The following ATP10A variants were observed in gnomAD, a reference collection of about 807,000 sequenced individuals.
ATP10A encodes the protein phospholipid-transporting ATPase VA.
In ATP10A, 111 loss-of-function variants were observed where a neutral mutation model predicts 147.8. The observed-to-expected ratio is 0.75, with a 90% CI of 0.64 to 0.88. The LOEUF (loss-of-function observed/expected upper bound fraction) is 0.88, where lower values mean the gene tolerates loss of function less well. Ranked by LOEUF, ATP10A falls within the 40% of genes least tolerant of loss-of-function variation. The pLI is 0.00. For missense variants in ATP10A, 1,927 were observed against 1,959.0 expected (o/e 0.98, Z 0.31); for synonymous variants, 875 against 841.6 (o/e 1.04, Z -0.69).
In ATP10A at chr15:25,728,532, G is replaced by A. The variant is rs140811936; in HGVS notation, c.741-1266C>T. Among the ~76,000 whole-genome samples the A allele has an allele frequency of 1.8e-4, 27 of 152,264 alleles. No individual in the cohort carries two copies. The East Asian group carries it at 5.0e-3, about 28-fold the overall frequency. ...CCTGGCAGGTATGAGATATCCTTAG[G>A]TACAAAACCCTGCTCTGCGCTTGTG... On this transcript the variant is annotated intron_variant, in intron 3 of 20. Coordinates refer to ENST00000555815, the MANE Select transcript of ATP10A (RefSeq NM_024490.4).
intron 5 of ATP10A, among the ~76,000 whole-genome samples, chr15:25,725,708 C>T (rs1205841883): frequency 1.3e-5 from 2 of 151,658 alleles, no homozygotes; most frequent in African/African-American, 2.4e-5. Flanking sequence ...GATCTCAGCT[C>T]GCTGCAACCT....
chr15:25,812,022 C>T (rs1283645098), intron 1 of ATP10A, among the ~76,000 whole-genome samples: 1 of 152,220 alleles, frequency 6.6e-6, no homozygotes, highest in Admixed American at 6.5e-5. Flanking sequence ...ACCCAGCGCA[C>T]GCTCCCCGTT....
At chr15:25,760,326 G>A (rs1461840280) in intron 2 of ATP10A, among the ~76,000 whole-genome samples, 1 of 152,178 alleles carries the variant, frequency 6.6e-6, no homozygotes, top group African/African-American at 2.4e-5. Flanking sequence ...GTTATTAATA[G>A]ATGTTCCAAA....
chr15:25,780,896 A>G (rs1892563549), intron 2 of ATP10A, 123 bp downstream of exon 2: 1 of 1,083,986 alleles, frequency 9.2e-7, no homozygotes. Flanking sequence ...AGACTCGTCT[A>G]CTAGGAAAAA....
At chr15:25,850,685 C>T (rs1456608205) in intron 1 of ATP10A, among the ~76,000 whole-genome samples, 1 of 126,620 alleles carries the variant, frequency 7.9e-6, no homozygotes, top group African/African-American at 2.9e-5. Context: ...CCGGGCAGGG[C>T]GAGACCACGC....
Position 25,727,145 on chromosome 15 carries a change from G to A in ATP10A, c.847+15C>T. ...CGCTGTCTGGCGGCAGGTGGTGCCA[G>A]GTGCCCGAGCCTACCTGCGTAGATG... On this transcript the variant is annotated intron_variant, in intron 4 of 20. Transcript: ENST00000555815. 2 of 1,604,460 alleles carry A rather than the reference G, an allele frequency of 1.2e-6. No individual in the cohort carries two copies. The highest frequency in any genetic ancestry group is 8.5e-7 in the Non-Finnish European group (1 of 1,171,248).
At chr15:25,693,806 G>A (rs554411430) in intron 14 of ATP10A, among the ~76,000 whole-genome samples, 3 of 152,292 alleles carry the variant, frequency 2.0e-5, no homozygotes, top group East Asian at 3.9e-4. Context: ...GCCAGTGCTC[G>A]CTCTCCTCAC....
intron 12 of ATP10A, among the ~76,000 whole-genome samples, chr15:25,706,643 C>A (rs1402067380): frequency 6.6e-6 from 1 of 152,144 alleles, no homozygotes; most frequent in Non-Finnish European, 1.5e-5. Context: ...CCCAAATAGT[C>A]AAGGTTTCAT....
At chr15:25,706,247 G>A (rs771561184) in intron 12 of ATP10A, among the ~76,000 whole-genome samples, 3 of 152,160 alleles carry the variant, frequency 2.0e-5, no homozygotes, top group Non-Finnish European at 4.4e-5. Context: ...GCAGCATCCG[G>A]GCCAAGAGAG....
At chr15:25,734,193 A>G (rs1038749376) in intron 3 of ATP10A, among the ~76,000 whole-genome samples, 1 of 152,106 alleles carries the variant, frequency 6.6e-6, no homozygotes, top group Non-Finnish European at 1.5e-5. Flanking sequence ...CCACCCCAGC[A>G]GAGGGCCGTC....
At chr15:25,712,355 G>GCACAGCT (rs764874374) in intron 10 of ATP10A, among the ~76,000 whole-genome samples, 51 of 152,262 alleles carry the variant, frequency 3.3e-4, no homozygotes, top group Non-Finnish European at 5.7e-4. Context: ...GGCCTTCCTT[G>GCACAGCT]CACAGCTCAC....
chr15:25,776,999 T>G (rs752339206), intron 2 of ATP10A, among the ~76,000 whole-genome samples: 1 of 152,090 alleles, frequency 6.6e-6, no homozygotes, highest in South Asian at 2.1e-4. Context: ...ATACTGGGCA[T>G]CACTGGTGAA....
chr15:25,767,619 C>T lies in ATP10A; in HGVS notation c.654+13400G>A, dbSNP rs1300046786. Among the ~76,000 whole-genome samples, 3 of 152,334 alleles carry T rather than the reference C, an allele frequency of 2.0e-5. No homozygotes were observed. The East Asian group carries it at 5.8e-4, about 29-fold the overall frequency. On this transcript the variant is annotated intron_variant, in intron 2 of 20. Transcript: ENST00000555815. Reference sequence around the variant, plus strand: ...CAGAAGAGCCTGGAGCACCCCAGTGCCTGGCCCACCCCACATGAGGGGAGT... The same window carrying T: ...CAGAAGAGCCTGGAGCACCCCAGTGTCTGGCCCACCCCACATGAGGGGAGT...
downstream of ATP10A, among the ~76,000 whole-genome samples, chr15:25,672,464 G>A (rs867219447): frequency 6.6e-6 from 1 of 152,228 alleles, no homozygotes; most frequent in Non-Finnish European, 1.5e-5. Flanking sequence ...GTAAATATCT[G>A]TGTGAGTCCC....
chr15:25,739,821 A>G (rs1427720311), intron 2 of ATP10A, among the ~76,000 whole-genome samples: 1 of 152,238 alleles, frequency 6.6e-6, no homozygotes, highest in African/African-American at 2.4e-5. Flanking sequence ...TTCTTTGGGC[A>G]AAGTGATTTG....
chr15:25,788,181 T>C (rs1279413813), intron 1 of ATP10A, among the ~76,000 whole-genome samples: 2 of 152,186 alleles, frequency 1.3e-5, no homozygotes, highest in Non-Finnish European at 2.9e-5. Flanking sequence ...AGGAAACATG[T>C]AGGAGCAGCA....
At chr15:25,715,376 A>T (rs936004993) in intron 9 of ATP10A, among the ~76,000 whole-genome samples, 2 of 152,236 alleles carry the variant, frequency 1.3e-5, no homozygotes, top group African/African-American at 4.8e-5. Context: ...ACCCAGAGAC[A>T]TCTTCACCTG....
intron 1 of ATP10A, among the ~76,000 whole-genome samples, chr15:25,809,477 A>G (rs1018530583): frequency 2.6e-5 from 4 of 152,244 alleles, no homozygotes; most frequent in African/African-American, 9.6e-5. Context: ...CATCTGCTTC[A>G]TCAAAAATTT....
intron 13 of ATP10A, among the ~76,000 whole-genome samples, chr15:25,698,057 A>G (rs778032561): frequency 1.6e-4 from 25 of 151,968 alleles, no homozygotes; most frequent in Non-Finnish European, 2.6e-4. Flanking sequence ...AGGAGGCATG[A>G]TGACAAAATG....
Sources: gnomAD v4.1 joint callset for allele counts (sites outside exome capture counted in the v4.1 genomes callset) on GRCh38, gnomAD v4.1.1 for gene constraint, MANE v1.5 for transcripts, NCBI Gene and HGNC (gene_info 2026-07-23, HGNC 2026-07-21) for gene names.